The following DZANK1 variants were observed in gnomAD, a reference collection of about 807,000 sequenced individuals.
DZANK1 encodes the protein double zinc ribbon and ankyrin repeat domains 1.
In DZANK1, 91 loss-of-function variants were observed where a neutral mutation model predicts 94.5. The observed-to-expected ratio is 0.96, with a 90% CI of 0.81 to 1.15. The LOEUF (loss-of-function observed/expected upper bound fraction) is 1.15. Among genes scored for constraint, DZANK1 ranks in the 50% most tolerant of loss-of-function variants. The pLI is 0.00. For synonymous variants in DZANK1, 312 were observed against 325.3 expected (o/e 0.96, Z 0.44); for missense variants, 903 against 916.4 (o/e 0.99, Z 0.19).
chr20:18,411,035 A>T (rs2057228738), intron 13 of DZANK1, among the ~76,000 whole-genome samples: 1 of 152,240 alleles, frequency 6.6e-6, no homozygotes, highest in East Asian at 1.9e-4. Flanking sequence ...TTATAGCAGC[A>T]AATGTTCACA....
At chr20:18,455,140 C>T (rs78680137) in intron 4 of DZANK1, 107 bp downstream of exon 4, 14,489 of 757,594 alleles carry the variant, frequency 0.019, 183 homozygotes, top group Non-Finnish European at 0.025. Context: ...GTTATAAGGA[C>T]CTGACTGTGA....
chr20:18,427,250 CTACAGGCCCTAT>C (rs1399607851), intron 9 of DZANK1, 91 bp from the exon 10 acceptor site: 52 of 926,250 alleles, frequency 5.6e-5, no homozygotes, highest in Non-Finnish European at 7.9e-5. Context: ...AGTCATTCAG[CTACAGGCCCTAT>C]TACTGCACCC....
intron 10 of DZANK1, among the ~76,000 whole-genome samples, chr20:18,424,119 A>G (rs1005641519): frequency 9.9e-5 from 15 of 152,212 alleles, no homozygotes; most frequent in Non-Finnish European, 2.9e-5. Context: ...TCCTACATAC[A>G]TTAAAATGGT....
rs1183617542 is a variant in DZANK1, at chr20:18,414,241, TA to T, written c.1242+106del. 4 of 1,336,112 alleles carry T rather than the reference TA, an allele frequency of 3.0e-6. No homozygotes were observed. In the East Asian group the frequency reaches 9.6e-5, roughly 32 times the overall value. The allele number at this position is 1,336,112 out of a possible 1,614,324, so 82.8% of individuals were successfully genotyped here. On this transcript the variant is annotated intron_variant, in intron 12 of 20. Transcript: ENST00000262547. ...TAGTTGAAATTCCATGTGAAAGTTC[TA>T]AAAGTTTTGGGTCTCTTCCCCGGGT...
At chr20:18,412,817 G>A (rs2057322442) in exon 13 of DZANK1, 2 of 1,613,956 alleles carry the variant, frequency 1.2e-6, no homozygotes, top group Non-Finnish European at 1.7e-6. Context: ...TCAGATCTGG[G>A]CAAAGGAATA....
chr20:18,419,984 T>G (rs1357405828), intron 10 of DZANK1, among the ~76,000 whole-genome samples: 2 of 152,114 alleles, frequency 1.3e-5, no homozygotes, highest in Non-Finnish European at 2.9e-5. Flanking sequence ...TTATAACACC[T>G]TTCTAGCCAA....
chr20:18,408,522 A>T (rs1276167705), intron 13 of DZANK1, among the ~76,000 whole-genome samples: 1 of 152,208 alleles, frequency 6.6e-6, no homozygotes, highest in African/African-American at 2.4e-5. Flanking sequence ...AAGAGAAGAG[A>T]AACAAATAAC....
chr20:18,433,844 C>T, intron 8 of DZANK1, 79 bp from the exon 9 acceptor site: 2 of 1,279,648 alleles, frequency 1.6e-6, no homozygotes, highest in Non-Finnish European at 2.2e-6. Context: ...AAGGTTTGGT[C>T]TACAGCCGTA....
chr20:18,465,380 C>T lies in DZANK1; in HGVS notation c.-19-3G>A. 1 of 898,112 alleles carries T rather than the reference C, an allele frequency of 1.1e-6. No homozygotes were observed. Among genetic ancestry groups the T allele is most frequent in the Non-Finnish European group, 1.6e-6 (1 of 626,020 alleles). 55.6% of individuals were successfully genotyped at this position (898,112 alleles called of 1,614,324 possible). On this transcript the variant is annotated splice_region_variant and splice_polypyrimidine_tract_variant and intron_variant, in intron 1 of 20. Transcript: ENST00000262547. ...TCATTTTCTCTCTCTCTCTCTCTCT[C>T]TATATATATATACATATAAATTCCA...
chr20:18,444,734 G>GT (rs112360737), intron 7 of DZANK1, among the ~76,000 whole-genome samples: 53,273 of 151,846 alleles, frequency 0.35, 10,309 homozygotes, highest in Middle Eastern at 0.45. Flanking sequence ...GTCAGGTATG[G>GT]TTTTTTTTAA....
rs565400180 is a variant in DZANK1, at chr20:18,455,551, G to A, written c.264-190C>T. 4.6e-5 allele frequency among the ~76,000 whole-genome samples: 7 copies of A among 152,300 alleles called. No individual in the cohort carries two copies. In the South Asian group the frequency reaches 1.4e-3, roughly 32 times the overall value. On this transcript the variant is annotated intron_variant, in intron 3 of 20. Transcript: ENST00000262547. The stretch of plus-strand genomic sequence containing the variant: ...TTCCTTTTGGGCTATTTACTGCTAT[G>A]TAACAAACCACCCCAAAGGTAGTGC...
At chr20:18,440,712 T>C (rs546930338) in intron 8 of DZANK1, among the ~76,000 whole-genome samples, 1 of 152,246 alleles carries the variant, frequency 6.6e-6, no homozygotes, top group African/African-American at 2.4e-5. Context: ...CGAAGGCTGG[T>C]ATCCTCAGAC....
intron 3 of DZANK1, among the ~76,000 whole-genome samples, chr20:18,456,376 C>G (rs1479026199): frequency 6.6e-6 from 1 of 152,194 alleles, no homozygotes; most frequent in Non-Finnish European, 1.5e-5. Flanking sequence ...TATTTCACTA[C>G]CAGTAGCTCA....
chr20:18,399,797 C>T (rs1300421265), intron 13 of DZANK1, among the ~76,000 whole-genome samples: 3 of 152,208 alleles, frequency 2.0e-5, no homozygotes, highest in African/African-American at 2.4e-5. Context: ...GGCCAAGGAG[C>T]AGCTGGCTGC....
chr20:18,408,962 A>G (rs1220263109), intron 13 of DZANK1, among the ~76,000 whole-genome samples: 1 of 152,188 alleles, frequency 6.6e-6, no homozygotes, highest in African/African-American at 2.4e-5. Flanking sequence ...ACAACTTTTT[A>G]AGACAGTACA....
chr20:18,451,296 T>C (rs960760519), intron 6 of DZANK1, among the ~76,000 whole-genome samples: 2 of 152,218 alleles, frequency 1.3e-5, no homozygotes, highest in African/African-American at 4.8e-5. Flanking sequence ...AAAGCCAATG[T>C]GAATTTCCAA....
At chr20:18,417,111 G>A (rs2057533234) in intron 10 of DZANK1, among the ~76,000 whole-genome samples, 1 of 151,112 alleles carries the variant, frequency 6.6e-6, no homozygotes, top group Non-Finnish European at 1.5e-5. Flanking sequence ...AAGACATAAA[G>A]CTATCAGAAT....
intron 13 of DZANK1, among the ~76,000 whole-genome samples, chr20:18,399,112 C>A (rs6132052): frequency 0.38 from 54,407 of 142,082 alleles, 10,806 homozygotes; most frequent in Middle Eastern, 0.48. Context: ...GGCAACAGAG[C>A]AAGACTACAT....
chr20:18,427,181 A>G, intron 9 of DZANK1, 22 bp from the exon 10 acceptor site: 2 of 1,582,770 alleles, frequency 1.3e-6, no homozygotes, highest in Non-Finnish European at 1.7e-6. Context: ...AAAATAAGAC[A>G]TACATGTTCC....
Sources: gnomAD v4.1 joint callset for allele counts (sites outside exome capture counted in the v4.1 genomes callset) on GRCh38, gnomAD v4.1.1 for gene constraint, MANE v1.5 for transcripts, NCBI Gene and HGNC (gene_info 2026-07-23, HGNC 2026-07-21) for gene names.